PCBD2: variants seen among roughly 807,000 people sequenced by gnomAD.
PCBD2 encodes the protein pterin-4-alpha-carbinolamine dehydratase 2.
PCBD2 carries 12 observed loss-of-function variants against 16.4 expected under a neutral mutation model. The ratio of observed to expected loss-of-function variants is 0.73; its 90% CI spans 0.47 to 1.19. The LOEUF (loss-of-function observed/expected upper bound fraction) is 1.19. Among genes scored for constraint, PCBD2 ranks in the 50% most tolerant of loss-of-function variants. PCBD2 has a pLI of 0.00. For synonymous variants in PCBD2, 58 were observed against 61.8 expected (o/e 0.94, Z 0.29); for missense variants, 138 against 156.8 (o/e 0.88, Z 0.64).
chr5:134,912,549 A>C (rs1750781685), intron 2 of PCBD2, among the ~76,000 whole-genome samples: 1 of 152,242 alleles, frequency 6.6e-6, no homozygotes, highest in Admixed American at 6.5e-5. Flanking sequence ...GTATTTTAAT[A>C]AATCGTATCT....
At chr5:134,947,460 C>T (rs546631377) in intron 2 of PCBD2, among the ~76,000 whole-genome samples, 124 of 135,218 alleles carry the variant, frequency 9.2e-4, no homozygotes, top group African/African-American at 3.4e-3. Flanking sequence ...GTGGCGCAGT[C>T]TTGGCTCACT....
chr5:134,941,978 A>G (rs1032014834), intron 2 of PCBD2, among the ~76,000 whole-genome samples: 16 of 151,170 alleles, frequency 1.1e-4, no homozygotes, highest in African/African-American at 3.9e-4. Context: ...AAAAAAAAAA[A>G]AGTTAGCCGG....
At chr5:134,953,973 A>C (rs1202835942) in intron 2 of PCBD2, among the ~76,000 whole-genome samples, 1 of 152,114 alleles carries the variant, frequency 6.6e-6, no homozygotes, top group Non-Finnish European at 1.5e-5. Context: ...TTAATTAATC[A>C]GATACAGAGT....
intron 2 of PCBD2, chr5:134,926,639 T>G (rs1051728031): frequency 1.3e-5 from 5 of 396,468 alleles, no homozygotes; most frequent in Non-Finnish European, 2.2e-5. Flanking sequence ...AATCTGATGT[T>G]TTGGTTAAAC....
chr5:134,957,606 G>A (rs1425359854), intron 2 of PCBD2, among the ~76,000 whole-genome samples: 2 of 152,068 alleles, frequency 1.3e-5, no homozygotes, highest in Non-Finnish European at 2.9e-5. Flanking sequence ...TTGAGCTCAG[G>A]AGGTTGAGGC....
chr5:134,909,495 C>T (rs1020647330), intron 1 of PCBD2, among the ~76,000 whole-genome samples: 12 of 152,214 alleles, frequency 7.9e-5, no homozygotes, highest in African/African-American at 2.9e-4. Flanking sequence ...CAAAACAAGG[C>T]TGGCTCTGTA....
At chr5:134,926,175 G>T (rs894088723) in intron 2 of PCBD2, 1 of 317,644 alleles carries the variant, frequency 3.1e-6, no homozygotes, top group Non-Finnish European at 5.7e-6. Context: ...ATCACGTAAC[G>T]AACAGTGCTA....
Position 134,905,178 on chromosome 5 carries a change from C to T in PCBD2, c.39C>T (p.Arg13=), listed in dbSNP as rs1750665568. 1 of 1,223,628 alleles carries T rather than the reference C, an allele frequency of 8.2e-7. No individual in the cohort carries two copies. Among genetic ancestry groups the T allele is most frequent in the African/African-American group, 1.6e-5 (1 of 63,926 alleles). The allele number at this position is 1,223,628 out of a possible 1,614,324, so 75.8% of individuals were successfully genotyped here. A position where few individuals can be genotyped will look rare whatever the true frequency, so the allele number is the denominator to read the frequency against. ...AVLGALGATR[R]LLAALRGQSL... ...TCGGGGCGCTCGGGGCGACGCGGCGCTTGTTGGCGGCGCTGCGAGGCCAGA... is the reference window on the plus strand; with the variant it reads ...TCGGGGCGCTCGGGGCGACGCGGCGTTTGTTGGCGGCGCTGCGAGGCCAGA... Residue 13 remains arginine (R), a synonymous_variant, in exon 1 of 4, where the codon CGC becomes CGT. Transcript: ENST00000254908.
chr5:134,950,425 A>T (rs1751346523), intron 2 of PCBD2, among the ~76,000 whole-genome samples: 1 of 152,242 alleles, frequency 6.6e-6, no homozygotes, highest in Admixed American at 6.5e-5. Context: ...AACTTTAATA[A>T]ATCATACATG....
At chr5:134,959,386 G>A (rs1315470755) in intron 3 of PCBD2, among the ~76,000 whole-genome samples, 1 of 152,180 alleles carries the variant, frequency 6.6e-6, no homozygotes, top group Admixed American at 6.5e-5. Flanking sequence ...GAATTAAACC[G>A]GAGTATCAGC....
chr5:134,908,313 C>G (rs1422424639), intron 1 of PCBD2, among the ~76,000 whole-genome samples: 5 of 151,454 alleles, frequency 3.3e-5, no homozygotes, highest in Non-Finnish European at 7.4e-5. Context: ...GCCACCATGC[C>G]CAACTAATCT....
chr5:134,924,687 GAA>G (rs1264416011), intron 2 of PCBD2: 2 of 396,300 alleles, frequency 5.0e-6, no homozygotes, highest in Non-Finnish European at 8.9e-6. Flanking sequence ...GTGGGAAGAA[GAA>G]AGAGAGGAAA....
At chr5:134,913,215 T>C (rs1750788943) in intron 2 of PCBD2, among the ~76,000 whole-genome samples, 1 of 152,148 alleles carries the variant, frequency 6.6e-6, no homozygotes, top group African/African-American at 2.4e-5. Context: ...AAATAAACAA[T>C]AAACAGATGA....
At chr5:134,920,003 C>T (rs893489911) in intron 2 of PCBD2, among the ~76,000 whole-genome samples, 2 of 152,194 alleles carry the variant, frequency 1.3e-5, no homozygotes, top group Admixed American at 1.3e-4. Context: ...ATTCCTGTGG[C>T]TGGGTAGCGG....
At chr5:134,914,468 C>A (rs1359030981) in intron 2 of PCBD2, among the ~76,000 whole-genome samples, 1 of 151,932 alleles carries the variant, frequency 6.6e-6, no homozygotes, top group Admixed American at 6.6e-5. Flanking sequence ...TGCTGTGTTC[C>A]GCTGCTGTGC....
At chr5:134,952,271 T>C (rs1751367389) in intron 2 of PCBD2, among the ~76,000 whole-genome samples, 1 of 152,060 alleles carries the variant, frequency 6.6e-6, no homozygotes, top group Admixed American at 6.6e-5. Flanking sequence ...TTCTATCGTA[T>C]TAAGGAAGGA....
In PCBD2 at chr5:134,953,852, T is replaced by C. The variant is rs143978098; in HGVS notation, c.217-5188T>C. On this transcript the variant is annotated intron_variant, in intron 2 of 3. Transcript: ENST00000254908. ...TAGTCTTCTATTTCTTTATATAGCA[T>C]TTATGGTCCCCCCTCAAAGCAATAT... is the stretch of plus-strand genomic sequence containing the variant. Among the ~76,000 whole-genome samples, 558 of 152,278 alleles carry C rather than the reference T, an allele frequency of 3.7e-3. 6 individuals are homozygous for C. The highest frequency in any genetic ancestry group is 0.012 in the African/African-American group (517 of 41,556).
intron 2 of PCBD2, among the ~76,000 whole-genome samples, chr5:134,915,970 C>T (rs555198029): frequency 1.1e-4 from 16 of 151,962 alleles, no homozygotes; most frequent in African/African-American, 3.9e-4. Flanking sequence ...AGAGTGTGAC[C>T]CACACTTGGT....
intron 2 of PCBD2, chr5:134,926,098 AG>A (rs557009952): frequency 5.1e-4 from 174 of 340,440 alleles, no homozygotes; most frequent in African/African-American, 2.5e-3. Flanking sequence ...GAAGATGAGT[AG>A]GTATTTGAAG....
Sources: allele counts gnomAD v4.1 joint callset (sites outside exome capture counted in the v4.1 genomes callset), GRCh38; gene constraint gnomAD v4.1.1; transcripts MANE v1.5; gene names NCBI Gene and HGNC (gene_info 2026-07-23, HGNC 2026-07-21).